CAT: variants seen among roughly 807,000 people sequenced by gnomAD.
The protein encoded by CAT is epididymis secretory sperm binding protein.
A neutral mutation model predicts 59.0 loss-of-function variants in CAT; 43 were observed. That is an observed-to-expected ratio of 0.73 (90% CI 0.57 to 0.94). The LOEUF is 0.94. Among genes scored for constraint, CAT ranks in the 40% least tolerant of loss-of-function variants. CAT has a pLI of 0.00. For missense variants in CAT, 664 were observed against 682.9 expected (o/e 0.97, Z 0.31); for synonymous variants, 218 against 230.9 (o/e 0.94, Z 0.51).
chr11:34,469,082 T>C (rs1037737896), intron 11 of CAT, among the ~76,000 whole-genome samples: 7 of 152,252 alleles, frequency 4.6e-5, no homozygotes, highest in Non-Finnish European at 1.0e-4. Context: ...GTATTTCTGA[T>C]GGCCGCTCAT....
intron 4 of CAT, 59 bp from the exon 5 acceptor site, chr11:34,453,031 G>A (rs547862645): frequency 1.0e-6 from 1 of 984,714 alleles, no homozygotes; most frequent in East Asian, 2.4e-5. Flanking sequence ...TATAATGAAA[G>A]ACACCATAAT....
At chr11:34,456,904 T>C in intron 8 of CAT, 87 bp downstream of exon 8, 1 of 1,383,448 alleles carries the variant, frequency 7.2e-7, no homozygotes. Flanking sequence ...GATCTTTATG[T>C]GAGGAATTAA....
Position 34,468,188 on chromosome 11 carries a change from GT to G in CAT, c.1327-92del, listed in dbSNP as rs1013072015. On this transcript the variant is annotated intron_variant, in intron 10 of 12. Transcript: ENST00000241052. ...TTTAAAATTATTCTTAACTTCTAAA[GT>G]TTTTTTTATCATTGATTTCCTAAGT... 13 of 895,496 alleles carry G rather than the reference GT, an allele frequency of 1.5e-5. No homozygotes were observed. In the East Asian group the frequency reaches 1.7e-4, roughly 12 times the overall value. 55.5% of individuals were successfully genotyped at this position (895,496 alleles called of 1,614,324 possible).
intron 10 of CAT, among the ~76,000 whole-genome samples, chr11:34,466,229 C>T (rs1470699206): frequency 6.6e-6 from 1 of 152,230 alleles, no homozygotes; most frequent in African/African-American, 2.4e-5. Flanking sequence ...TGATCTCTTT[C>T]TACGCCATCT....
chr11:34,442,942 AT>A (rs1856408847), intron 1 of CAT, among the ~76,000 whole-genome samples: 1 of 152,186 alleles, frequency 6.6e-6, no homozygotes, highest in African/African-American at 2.4e-5. Context: ...TACATTTCAT[AT>A]TTGGTGAAAA....
At chr11:34,453,306 C>T (rs938510300) in intron 5 of CAT, 112 bp downstream of exon 5, 29 of 779,400 alleles carry the variant, frequency 3.7e-5, no homozygotes, top group Non-Finnish European at 6.7e-5. Context: ...TCAGCTTCCT[C>T]AGATTTCTTG....
intron 11 of CAT, among the ~76,000 whole-genome samples, chr11:34,468,840 A>T (rs1856746170): frequency 6.6e-6 from 1 of 152,214 alleles, no homozygotes; most frequent in Non-Finnish European, 1.5e-5. Context: ...TGAGCCCAGG[A>T]ATACAGGGCC....
intron 5 of CAT, 71 bp from the exon 6 acceptor site, chr11:34,453,730 G>C (rs1856556594): frequency 1.4e-6 from 2 of 1,442,196 alleles, no homozygotes; most frequent in Non-Finnish European, 1.9e-6. Flanking sequence ...GGAAACTAAG[G>C]AATATCTTAA....
Position 34,468,359 on chromosome 11 carries a change from C to T in CAT, c.1398C>T (p.His466=), listed in dbSNP as rs1447792581. 4 of 1,613,900 alleles carry T rather than the reference C, an allele frequency of 2.5e-6. No homozygotes were observed. The highest frequency in any genetic ancestry group is 1.7e-5 in the Admixed American group (1 of 59,994). The part of the protein sequence containing the change: ...RKRLCENIAG[H]LKDAQIFIQK... Reference sequence around the variant, plus strand: ...GTCTGTGTGAGAACATTGCCGGCCACCTGAAGGATGCACAAATTTTCATCC... The same window carrying T: ...GTCTGTGTGAGAACATTGCCGGCCATCTGAAGGATGCACAAATTTTCATCC... Residue 466 remains histidine, a synonymous_variant, in exon 11 of 13, where the codon CAC becomes CAT. Transcript: ENST00000241052.
chr11:34,453,960 C>T, intron 6 of CAT, 34 bp downstream of exon 6: 1 of 1,609,414 alleles, frequency 6.2e-7, no homozygotes. Flanking sequence ...GGGTACAAGG[C>T]TCCTACCGCA....
intron 5 of CAT, among the ~76,000 whole-genome samples, chr11:34,453,556 T>G (rs992658727): frequency 1.3e-5 from 2 of 152,200 alleles, no homozygotes; most frequent in Non-Finnish European, 2.9e-5. Flanking sequence ...GTTTTCAGGT[T>G]GTTTTGGCTT....
intron 8 of CAT, 85 bp downstream of exon 8, chr11:34,456,902 T>C: frequency 1.4e-6 from 2 of 1,389,224 alleles, no homozygotes; most frequent in Non-Finnish European, 2.0e-6. Context: ...ATGATCTTTA[T>C]GTGAGGAATT....
chr11:34,445,201 A>G (rs1856435131), intron 1 of CAT, among the ~76,000 whole-genome samples: 2 of 152,140 alleles, frequency 1.3e-5, no homozygotes, highest in South Asian at 4.1e-4. Context: ...GAGGAAAAAT[A>G]GTGACAGGCT....
Position 34,453,131 on chromosome 11 carries a change from A to G in CAT, c.522A>G (p.Thr174=). 6.2e-7 allele frequency: 1 copy of G among 1,613,366 alleles called. No individual in the cohort carries two copies. The highest frequency in any genetic ancestry group is 8.5e-7 in the Non-Finnish European group (1 of 1,179,344). The change falls in exon 5 of 13, where the codon ACA becomes ACG. Residue 174 remains threonine (T), a synonymous_variant. Transcript: ENST00000241052. ...ACAGCCAAAAGAGAAATCCTCAGAC[A>G]CATCTGAAGGATCCGGACATGGTCT... ...FIHSQKRNPQ[T]HLKDPDMVWD...
Position 34,438,938 on chromosome 11 carries a change from G to A in CAT, c.-76G>A. On this transcript the variant is annotated 5_prime_UTR_variant, in exon 1 of 13. Coordinates refer to ENST00000241052, the MANE Select transcript of CAT (RefSeq NM_001752.4). ...AAGTCGCCACGGACTCGGGGCAACAGGCAGATTTGCCTGCTGAGGGTGGAG... is the reference window on the plus strand; with the variant it reads ...AAGTCGCCACGGACTCGGGGCAACAAGCAGATTTGCCTGCTGAGGGTGGAG... 7.6e-7 allele frequency: 1 copy of A among 1,312,610 alleles called. No individual in the cohort carries two copies. The highest frequency in any genetic ancestry group is 1.1e-6 in the Non-Finnish European group (1 of 928,912). The allele number at this position is 1,312,610 out of a possible 1,614,324, so 81.3% of individuals were successfully genotyped here.
chr11:34,460,255 A>G (rs938619352), intron 8 of CAT, among the ~76,000 whole-genome samples: 4 of 152,180 alleles, frequency 2.6e-5, no homozygotes, highest in Admixed American at 1.3e-4. Context: ...ACTGAAAGAA[A>G]TTTCAAGATG....
chr11:34,468,485 C>G, intron 11 of CAT, 90 bp downstream of exon 11: 6 of 904,684 alleles, frequency 6.6e-6, no homozygotes, highest in Non-Finnish European at 9.3e-6. Flanking sequence ...AGTGCCATTT[C>G]TGTTTTACTT....
intron 9 of CAT, among the ~76,000 whole-genome samples, chr11:34,461,890 G>A (rs1349281560): frequency 6.6e-6 from 1 of 152,172 alleles, no homozygotes; most frequent in African/African-American, 2.4e-5. Context: ...GAATTAGCAG[G>A]GAAGGCTGGG....
At chr11:34,470,441 T>C (rs562942032) in intron 11 of CAT, among the ~76,000 whole-genome samples, 16 of 152,222 alleles carry the variant, frequency 1.1e-4, no homozygotes, top group South Asian at 2.1e-4. Context: ...GATGAAATTA[T>C]TGGCTATGGG....
Sources: gnomAD v4.1 joint callset for allele counts (sites outside exome capture counted in the v4.1 genomes callset) on GRCh38, gnomAD v4.1.1 for gene constraint, MANE v1.5 for transcripts, NCBI Gene and HGNC (gene_info 2026-07-23, HGNC 2026-07-21) for gene names.